Variants in CTNNA2 observed in about 807,000 individuals in gnomAD.
CTNNA2 encodes catenin alpha-2.
In CTNNA2, 42 loss-of-function variants were observed where a neutral mutation model predicts 101.0. The ratio of observed to expected loss-of-function variants is 0.42; its 90% CI spans 0.32 to 0.54. The LOEUF (loss-of-function observed/expected upper bound fraction) is 0.54. Ranked by LOEUF, CTNNA2 falls within the 20% of genes least tolerant of loss-of-function variation. The probability of loss-of-function intolerance (pLI) is 0.14; values close to 1 mark genes in which losing one functional copy is unlikely to be tolerated. For synonymous variants in CTNNA2, 450 were observed against 456.4 expected (o/e 0.99, Z 0.18); for missense variants, 871 against 1,223.1 (o/e 0.71, Z 4.29).
chr2:80,134,729 T>G (rs2148899768), intron 7 of CTNNA2, among the ~76,000 whole-genome samples: 1 of 152,318 alleles, frequency 6.6e-6, no homozygotes, highest in South Asian at 2.1e-4. Context: ...TCAAAGCCGT[T>G]ATTGTGTCAC....
chr2:80,568,618 T>G (rs1363389903), intron 12 of CTNNA2, among the ~76,000 whole-genome samples: 1 of 151,700 alleles, frequency 6.6e-6, no homozygotes. Flanking sequence ...GCTATAAAAT[T>G]ACAGAGAATT....
At chr2:79,379,494 C>T (rs112244561) in intron 4 of CTNNA2, among the ~76,000 whole-genome samples, 251 of 152,280 alleles carry the variant, frequency 1.6e-3, no homozygotes, top group Middle Eastern at 0.01. Context: ...CCCTTTCTCA[C>T]CTGTATACAC....
intron 7 of CTNNA2, among the ~76,000 whole-genome samples, chr2:79,977,321 A>C (rs1227822866): frequency 1.3e-5 from 2 of 151,758 alleles, no homozygotes; most frequent in East Asian, 3.9e-4. Flanking sequence ...GCAGTTTTGC[A>C]CTCCAAGGGA....
At chr2:79,504,668 A>G (rs1187748644) in intron 4 of CTNNA2, among the ~76,000 whole-genome samples, 1 of 152,178 alleles carries the variant, frequency 6.6e-6, no homozygotes, top group Admixed American at 6.5e-5. Flanking sequence ...CATATAAGTC[A>G]TAAGATTTTG....
intron 18 of CTNNA2, among the ~76,000 whole-genome samples, chr2:80,621,576 C>A (rs560205680): frequency 6.6e-6 from 1 of 152,030 alleles, no homozygotes; most frequent in South Asian, 2.1e-4. Context: ...GTTTTAACTC[C>A]ATACCTTTGT....
At position 79,615,328 on chromosome 2, in the gene CTNNA2, AT is replaced by A. The variant is rs1678544304; in HGVS notation, c.-5-36218del. Among the ~76,000 whole-genome samples, 6 of 152,246 alleles carry A rather than the reference AT, an allele frequency of 3.9e-5. No individual in the cohort carries two copies. The South Asian group carries it at 1.2e-3, about 32-fold the overall frequency. On this transcript the variant is annotated intron_variant, in intron 1 of 18. Transcript: ENST00000402739. ...ATTTATGACATTTAATATCTGTTAA[AT>A]TTTTTCCTGAAATTTCAGTTTTCTG...
At chr2:79,322,050 G>T (rs1040484040) in intron 3 of CTNNA2, among the ~76,000 whole-genome samples, 3 of 152,060 alleles carry the variant, frequency 2.0e-5, no homozygotes, top group African/African-American at 7.2e-5. Context: ...GGAGATGAAA[G>T]GACAACTGTG....
chr2:80,376,175 A>C (rs1273855188), intron 7 of CTNNA2, among the ~76,000 whole-genome samples: 2 of 152,046 alleles, frequency 1.3e-5, no homozygotes, highest in African/African-American at 4.8e-5. Context: ...AGAGTCATAC[A>C]TATGTCTAAT....
At chr2:79,290,053 C>T (rs192525700) in intron 2 of CTNNA2, among the ~76,000 whole-genome samples, 1 of 152,160 alleles carries the variant, frequency 6.6e-6, no homozygotes, top group Admixed American at 6.5e-5. Flanking sequence ...GGGCTACATA[C>T]TCAGGTGCCC....
chr2:79,241,905 T>G (rs1298799070), intron 2 of CTNNA2, among the ~76,000 whole-genome samples: 1 of 151,842 alleles, frequency 6.6e-6, no homozygotes, highest in East Asian at 1.9e-4. Context: ...TTTTCTTTTC[T>G]TTTCTTTTCT....
At chr2:79,728,951 C>A (rs549324657) in intron 2 of CTNNA2, among the ~76,000 whole-genome samples, 2 of 152,040 alleles carry the variant, frequency 1.3e-5, no homozygotes, top group Admixed American at 1.3e-4. Flanking sequence ...TGTTTTGGTA[C>A]CAGTACCATG....
In CTNNA2 at chr2:79,580,359, G is replaced by A. The variant is rs376562094; in HGVS notation, c.-6+67152G>A. Among the ~76,000 whole-genome samples, 13 of 152,258 alleles carry A rather than the reference G, an allele frequency of 8.5e-5. No homozygotes were observed. In the South Asian group the frequency reaches 2.5e-3, roughly 29 times the overall value. On this transcript the variant is annotated intron_variant, in intron 1 of 18. Coordinates refer to ENST00000402739, the MANE Select transcript of CTNNA2 (RefSeq NM_001282597.3). ...GCTTTGAGTTGGAAAAGGGCTGTGC[G>A]CCAAAGAATGCAGTGGTGGAAGCCG...
chr2:80,514,390 G>A (rs1042904984), intron 9 of CTNNA2, among the ~76,000 whole-genome samples: 2 of 152,152 alleles, frequency 1.3e-5, no homozygotes, highest in African/African-American at 4.8e-5. Flanking sequence ...GGACAGTGGG[G>A]TGTTATCATC....
intron 9 of CTNNA2, among the ~76,000 whole-genome samples, chr2:80,488,233 T>C (rs946898106): frequency 6.6e-6 from 1 of 152,208 alleles, no homozygotes; most frequent in Non-Finnish European, 1.5e-5. Context: ...AAATTGAGAT[T>C]CTGTTCTTGA....
chr2:80,115,576 T>C (rs763684480), intron 7 of CTNNA2, among the ~76,000 whole-genome samples: 7 of 152,092 alleles, frequency 4.6e-5, no homozygotes, highest in Non-Finnish European at 8.8e-5. Context: ...TCTTAAAGCA[T>C]GGTAACGAGA....
chr2:79,321,793 GCACA>G lies in CTNNA2; in HGVS notation c.-318+9020_-318+9023del, dbSNP rs59806501. ...CCTAGTTCCTGCCACCACTGTGTTT[GCACA>G]CACACACACACACACACACACAAAT... On this transcript the variant is annotated intron_variant, in intron 3 of 21. Transcript: ENST00000466387. Among the ~76,000 whole-genome samples the G allele has an allele frequency of 1.3e-3, 196 of 149,170 alleles. 1 individual carries two copies. The highest frequency in any genetic ancestry group is 8.1e-3 in the South Asian group (38 of 4,708).
intron 1 of CTNNA2, among the ~76,000 whole-genome samples, chr2:79,531,758 T>C (rs1033190065): frequency 5.3e-5 from 8 of 151,842 alleles, no homozygotes; most frequent in African/African-American, 1.9e-4. Context: ...CTCGGCTCAC[T>C]GCAACCTCCG....
intron 3 of CTNNA2, among the ~76,000 whole-genome samples, chr2:79,371,105 C>G (rs1029022648): frequency 6.6e-6 from 1 of 150,568 alleles, no homozygotes; most frequent in Non-Finnish European, 1.5e-5. Context: ...GCCTGGAAGC[C>G]GAATAACTTC....
chr2:79,577,441 T>A (rs187637039), intron 1 of CTNNA2, among the ~76,000 whole-genome samples: 1 of 152,228 alleles, frequency 6.6e-6, no homozygotes, highest in Non-Finnish European at 1.5e-5. Flanking sequence ...CACTTTACAA[T>A]GATATGACAA....
Sources: gnomAD v4.1 joint callset for allele counts (sites outside exome capture counted in the v4.1 genomes callset) on GRCh38, gnomAD v4.1.1 for gene constraint, MANE v1.5 for transcripts, NCBI Gene and HGNC (gene_info 2026-07-23, HGNC 2026-07-21) for gene names.